Variants in CABLES1 observed in about 807,000 individuals in gnomAD.
CABLES1 encodes the protein CDK5 and ABL1 enzyme substrate 1.
In CABLES1, 36 loss-of-function variants were observed where a neutral mutation model predicts 57.8. The observed-to-expected ratio is 0.62, with a 90% CI of 0.48 to 0.82. CABLES1 has a LOEUF of 0.82. Among genes scored for constraint, CABLES1 ranks in the 40% least tolerant of loss-of-function variants. The pLI, the probability that CABLES1 is intolerant of heterozygous loss-of-function variation, is 0.00. For synonymous variants in CABLES1, 374 were observed against 363.0 expected (o/e 1.03, Z -0.35); for missense variants, 767 against 836.6 (o/e 0.92, Z 1.03).
intron 1 of CABLES1, among the ~76,000 whole-genome samples, chr18:23,147,401 A>G (rs2046898165): frequency 6.6e-6 from 1 of 152,240 alleles, no homozygotes; most frequent in Admixed American, 6.5e-5. Flanking sequence ...GGGTGTTGCA[A>G]ATATTAAAAT....
intron 1 of CABLES1, among the ~76,000 whole-genome samples, chr18:23,176,859 C>A (rs1306742001): frequency 6.6e-6 from 1 of 152,086 alleles, no homozygotes; most frequent in Non-Finnish European, 1.5e-5. Flanking sequence ...TGCTGGACAC[C>A]AAGGGGGAGA....
intron 3 of CABLES1, among the ~76,000 whole-genome samples, chr18:23,206,539 GTC>G (rs1377157400): frequency 1.3e-5 from 2 of 152,242 alleles, no homozygotes; most frequent in Admixed American, 1.3e-4. Flanking sequence ...ACAGATCAGA[GTC>G]TGTCTGTGGC....
chr18:23,203,715 C>T (rs922619274), intron 3 of CABLES1, among the ~76,000 whole-genome samples: 12 of 152,004 alleles, frequency 7.9e-5, no homozygotes, highest in Non-Finnish European at 1.6e-4. Flanking sequence ...AAAAATAAAA[C>T]GGCTCGTTAC....
rs1410877140 is a variant in CABLES1, at chr18:23,135,622, G to A, written c.-141G>A. ...CGAGGGGCGAGCATGGCCCGCCCGC[G>A]GGGGGGCTGGACCGCCGCGCACGCC... On this transcript the variant is annotated 5_prime_UTR_variant, in exon 1 of 10. Transcript: ENST00000256925. 6.2e-6 allele frequency: 4 copies of A among 642,936 alleles called. No homozygotes were observed. Among genetic ancestry groups the A allele is most frequent in the Non-Finnish European group, 5.8e-6 (3 of 519,216 alleles). 39.8% of individuals were successfully genotyped at this position (642,936 alleles called of 1,614,324 possible).
intron 1 of CABLES1, among the ~76,000 whole-genome samples, chr18:23,187,592 G>A (rs1261635554): frequency 6.6e-6 from 1 of 152,166 alleles, no homozygotes; most frequent in East Asian, 1.9e-4. Context: ...TCACCATGTT[G>A]GCCAGGATGG....
At chr18:23,232,812 C>T (rs771506310) in intron 4 of CABLES1, among the ~76,000 whole-genome samples, 3 of 152,104 alleles carry the variant, frequency 2.0e-5, no homozygotes, top group East Asian at 1.9e-4. Context: ...ATAAGGGAGC[C>T]GGCTCATTCA....
At chr18:23,201,681 C>T (rs554356698) in intron 3 of CABLES1, among the ~76,000 whole-genome samples, 10 of 152,112 alleles carry the variant, frequency 6.6e-5, no homozygotes, top group African/African-American at 1.2e-4. Context: ...CATGTGTCCT[C>T]GGTCCACCCC....
intron 1 of CABLES1, among the ~76,000 whole-genome samples, chr18:23,171,869 A>G (rs2047085096): frequency 6.6e-6 from 1 of 152,138 alleles, no homozygotes; most frequent in African/African-American, 2.4e-5. Flanking sequence ...GTGTTGACCA[A>G]AGGGTTAACC....
chr18:23,154,103 TA>T (rs368380843), intron 1 of CABLES1, among the ~76,000 whole-genome samples: 1,619 of 150,760 alleles, frequency 0.011, 18 homozygotes, highest in Middle Eastern at 0.034. Flanking sequence ...GTCTTCTAAT[TA>T]AAAAAAAAAT....
intron 7 of CABLES1, among the ~76,000 whole-genome samples, chr18:23,248,185 T>G (rs1255093322): frequency 6.6e-6 from 1 of 151,746 alleles, no homozygotes; most frequent in Non-Finnish European, 1.5e-5. Context: ...GGTCAGGGAG[T>G]GTGGCGCAGG....
intron 1 of CABLES1, among the ~76,000 whole-genome samples, chr18:23,140,697 C>CA (rs2046852659): frequency 1.3e-5 from 2 of 152,184 alleles, no homozygotes; most frequent in African/African-American, 4.8e-5. Context: ...CTCGGCCTCC[C>CA]AAAGTGCTGG....
At chr18:23,200,900 G>A (rs544628473) in intron 3 of CABLES1, among the ~76,000 whole-genome samples, 3 of 152,334 alleles carry the variant, frequency 2.0e-5, no homozygotes, top group Non-Finnish European at 2.9e-5. Flanking sequence ...GCCTGAGGGC[G>A]AGTTTGAATA....
intron 1 of CABLES1, chr18:23,155,957 G>A: frequency 1.9e-6 from 3 of 1,614,180 alleles, no homozygotes; most frequent in Non-Finnish European, 2.5e-6. Flanking sequence ...TCCCATGTAA[G>A]TTGTCAGAGG....
chr18:23,200,328 C>T (rs1377273920), intron 3 of CABLES1, among the ~76,000 whole-genome samples: 2 of 150,874 alleles, frequency 1.3e-5, no homozygotes, highest in South Asian at 2.1e-4. Context: ...GGTGTGATCT[C>T]GGCTCACTGC....
intron 3 of CABLES1, among the ~76,000 whole-genome samples, chr18:23,204,179 A>G (rs939172332): frequency 2.6e-5 from 4 of 152,204 alleles, no homozygotes; most frequent in Admixed American, 6.5e-5. Context: ...AGAAGCTGGC[A>G]TGCAGGGCAG....
intron 1 of CABLES1, chr18:23,156,018 T>G: frequency 6.4e-7 from 1 of 1,563,744 alleles, no homozygotes; most frequent in Non-Finnish European, 8.8e-7. Flanking sequence ...CTCCCCCCTT[T>G]GGATGCTGAC....
At position 23,243,468 on chromosome 18, in the gene CABLES1, GTT is replaced by G. The variant is rs551293348; in HGVS notation, c.1446+6243_1446+6244del. 2.9e-3 allele frequency among the ~76,000 whole-genome samples: 297 copies of G among 101,870 alleles called. 1 individual carries two copies. Among genetic ancestry groups the G allele is most frequent in the African/African-American group, 9.1e-3 (251 of 27,478 alleles). 66.8% of individuals were successfully genotyped at this position (101,870 alleles called of 152,430 possible). On this transcript the variant is annotated intron_variant, in intron 7 of 9. Coordinates refer to ENST00000256925, the MANE Select transcript of CABLES1 (RefSeq NM_001100619.3). ...GGGTTGTTTTGGGTGTGGGTTTGGT[GTT>G]TTTTTTTTTTTTTTTTTTTGGTCTT...
intron 1 of CABLES1, among the ~76,000 whole-genome samples, chr18:23,143,775 A>G (rs1344369694): frequency 1.3e-5 from 2 of 151,904 alleles, no homozygotes; most frequent in Non-Finnish European, 2.9e-5. Context: ...CACAGCCTGG[A>G]TAATGTGGTG....
chr18:23,215,760 C>CTT (rs558089752), intron 4 of CABLES1, among the ~76,000 whole-genome samples: 4 of 145,840 alleles, frequency 2.7e-5, no homozygotes, highest in South Asian at 4.3e-4. Flanking sequence ...TTCTTTTTTT[C>CTT]TTTTTTTTTT....
Sources: allele counts gnomAD v4.1 joint callset (sites outside exome capture counted in the v4.1 genomes callset), GRCh38; gene constraint gnomAD v4.1.1; transcripts MANE v1.5; gene names NCBI Gene and HGNC (gene_info 2026-07-23, HGNC 2026-07-21).